The following C12orf42 variants were observed in gnomAD, a reference collection of about 807,000 sequenced individuals.
C12orf42 encodes chromosome 12 open reading frame 42.
In C12orf42, 25 loss-of-function variants were observed where a neutral mutation model predicts 21.6. The observed-to-expected ratio is 1.16, with a 90% CI of 0.84 to 1.62. The LOEUF is 1.62. Ranked by LOEUF, C12orf42 falls within the 40% of genes most tolerant of loss-of-function variation. C12orf42 has a pLI of 0.00. For synonymous variants in C12orf42, 174 were observed against 175.0 expected, an observed-to-expected ratio of 0.99 and a Z score of 0.05; for missense variants, 483 against 459.3, an observed-to-expected ratio of 1.05 and a Z score of -0.47.
the C12orf42 span, among the ~76,000 whole-genome samples, chr12:103,189,678 A>C: frequency 4.1e-3 from 629 of 152,302 alleles, 1 homozygote; most frequent in Admixed American, 6.6e-3. Flanking sequence ...CTGAGAACTC[A>C]GGCTTCATGC....
intron 2 of C12orf42, among the ~76,000 whole-genome samples, chr12:103,403,012 T>C (rs182647104): frequency 6.6e-6 from 1 of 152,282 alleles, no homozygotes; most frequent in African/African-American, 2.4e-5. Context: ...CTAGAAAATG[T>C]GTCTTCTACC....
chr12:103,129,765 T>A, the C12orf42 span, among the ~76,000 whole-genome samples: 1 of 152,212 alleles, frequency 6.6e-6, no homozygotes, highest in Admixed American at 6.5e-5. Flanking sequence ...AAGCTAAATA[T>A]GTCTTTTAAT....
chr12:103,144,571 C>A, the C12orf42 span, among the ~76,000 whole-genome samples: 11 of 152,200 alleles, frequency 7.2e-5, no homozygotes, highest in Admixed American at 6.5e-5. Context: ...TTCATCACTG[C>A]AAGGCAGTAA....
chr12:103,329,281 T>C (rs1400833826), intron 4 of C12orf42, among the ~76,000 whole-genome samples: 3 of 152,110 alleles, frequency 2.0e-5, no homozygotes, highest in Non-Finnish European at 4.4e-5. Flanking sequence ...ATTTTTAACA[T>C]CTCCCAGCAT....
chr12:103,531,915 C>T, the C12orf42 span, among the ~76,000 whole-genome samples: 10 of 152,158 alleles, frequency 6.6e-5, no homozygotes, highest in Admixed American at 5.9e-4. Context: ...TTATATATAA[C>T]TTAGATTATG....
chr12:103,557,036 A>G, the C12orf42 span, among the ~76,000 whole-genome samples: 4 of 152,000 alleles, frequency 2.6e-5, no homozygotes, highest in African/African-American at 9.7e-5. Context: ...AATAGCCTCC[A>G]GAACTGTGAA....
the C12orf42 span, among the ~76,000 whole-genome samples, chr12:103,133,154 A>G: frequency 6.6e-6 from 1 of 152,040 alleles, no homozygotes. Flanking sequence ...GGCTCATCCA[A>G]CCTGCTACTA....
the C12orf42 span, among the ~76,000 whole-genome samples, chr12:103,207,767 T>C: frequency 6.6e-6 from 1 of 152,198 alleles, no homozygotes; most frequent in Non-Finnish European, 1.5e-5. Context: ...AAACAGTTCC[T>C]TGGCATATCT....
the C12orf42 span, among the ~76,000 whole-genome samples, chr12:103,230,460 TAGTCTATC>T: frequency 6.6e-6 from 1 of 152,210 alleles, no homozygotes. Context: ...ATCTTTGCCA[TAGTCTATC>T]ACTTAGAAGA....
intron 2 of C12orf42, among the ~76,000 whole-genome samples, chr12:103,466,870 A>G (rs138732891): frequency 5.7e-4 from 87 of 152,336 alleles, no homozygotes; most frequent in African/African-American, 1.9e-3. Flanking sequence ...TGCCATTGCC[A>G]TGAGAATATG....
At chr12:103,351,545 C>T (rs183705828) in intron 4 of C12orf42, among the ~76,000 whole-genome samples, 14 of 152,198 alleles carry the variant, frequency 9.2e-5, no homozygotes, top group African/African-American at 2.2e-4. Context: ...GCACATTCAA[C>T]GCATACTATT....
chr12:103,255,969 C>A (rs1320061379), intron 10 of C12orf42, among the ~76,000 whole-genome samples: 16 of 138,290 alleles, frequency 1.2e-4, no homozygotes, highest in African/African-American at 4.1e-4. Context: ...AGGAGAATGG[C>A]GTGAACCCGG....
chr12:103,229,311 G>A, the C12orf42 span, among the ~76,000 whole-genome samples: 4,757 of 152,202 alleles, frequency 0.031, 100 homozygotes, highest in Middle Eastern at 0.071. Context: ...ATTTCACATA[G>A]CAGGAAGTCC....
At chr12:103,417,662 A>T (rs2049480319) in intron 2 of C12orf42, among the ~76,000 whole-genome samples, 1 of 152,202 alleles carries the variant, frequency 6.6e-6, no homozygotes, top group South Asian at 2.1e-4. Flanking sequence ...GCACTTTGAG[A>T]AGATAAACTA....
At chr12:103,388,386 C>T (rs2046799690) in intron 3 of C12orf42, among the ~76,000 whole-genome samples, 1 of 152,182 alleles carries the variant, frequency 6.6e-6, no homozygotes, top group Non-Finnish European at 1.5e-5. Context: ...CACTCTGCAT[C>T]AAACTGGGAA....
At chr12:103,458,463 G>T (rs1370840345) in intron 2 of C12orf42, among the ~76,000 whole-genome samples, 1 of 151,948 alleles carries the variant, frequency 6.6e-6, no homozygotes, top group South Asian at 2.1e-4. Context: ...GCTTACCCAG[G>T]GTGTGATGCT....
At chr12:103,084,021 C>T in the C12orf42 span, among the ~76,000 whole-genome samples, 1 of 152,124 alleles carries the variant, frequency 6.6e-6, no homozygotes, top group Non-Finnish European at 1.5e-5. Flanking sequence ...CTGCAGTTTT[C>T]AATTCTTTTT....
the C12orf42 span, among the ~76,000 whole-genome samples, chr12:103,133,008 G>A: frequency 6.6e-6 from 1 of 152,160 alleles, no homozygotes; most frequent in Admixed American, 6.5e-5. Context: ...GGGGCCTCAG[G>A]ACAGGTCTGA....
At chr12:103,170,954 T>G in the C12orf42 span, among the ~76,000 whole-genome samples, 2 of 152,096 alleles carry the variant, frequency 1.3e-5, no homozygotes, top group African/African-American at 2.4e-5. Context: ...GGACAAGAAG[T>G]TGTATCATTT....
Sources: gnomAD v4.1 joint callset for allele counts (sites outside exome capture counted in the v4.1 genomes callset) on GRCh38, gnomAD v4.1.1 for gene constraint, MANE v1.5 for transcripts, NCBI Gene and HGNC (gene_info 2026-07-23, HGNC 2026-07-21) for gene names.